Variants in COA1 observed in about 807,000 individuals in gnomAD.
COA1 encodes the protein cytochrome c oxidase assembly factor 1 homolog.
A neutral mutation model predicts 16.0 loss-of-function variants in COA1; 13 were observed. The observed-to-expected ratio is 0.81, with a 90% CI of 0.53 to 1.29. The LOEUF (loss-of-function observed/expected upper bound fraction) is 1.29. Ranked by LOEUF, COA1 falls within the 50% of genes most tolerant of loss-of-function variation. The pLI is 0.00. For synonymous variants in COA1, 65 were observed against 65.7 expected (o/e 0.99, Z 0.05); for missense variants, 179 against 177.0 (o/e 1.01, Z -0.06).
At chr7:43,727,439 C>T (rs1336357792) in intron 1 of COA1, among the ~76,000 whole-genome samples, 4 of 152,178 alleles carry the variant, frequency 2.6e-5, no homozygotes, top group Non-Finnish European at 5.9e-5. Context: ...AGCAGCATTA[C>T]ACATAATGGC....
intron 1 of COA1, among the ~76,000 whole-genome samples, chr7:43,722,895 C>T (rs1438556696): frequency 6.6e-6 from 1 of 152,060 alleles, no homozygotes; most frequent in Non-Finnish European, 1.5e-5. Context: ...TTGCAAATGC[C>T]AAATGTCTTA....
intron 1 of COA1, among the ~76,000 whole-genome samples, chr7:43,720,706 C>A (rs1363426754): frequency 6.6e-6 from 1 of 152,058 alleles, no homozygotes; most frequent in African/African-American, 2.4e-5. Context: ...TTAAAGTGAC[C>A]CTGGATATTA....
chr7:43,717,708 A>G (rs1052147714), intron 1 of COA1, among the ~76,000 whole-genome samples: 6 of 152,036 alleles, frequency 3.9e-5, no homozygotes, highest in African/African-American at 1.5e-4. Flanking sequence ...GGGGAACAAT[A>G]TGGTTTGGCT....
At chr7:43,658,971 A>G (rs1182058440) in intron 1 of COA1, 2 of 152,360 alleles carry the variant, frequency 1.3e-5, no homozygotes, top group Non-Finnish European at 2.9e-5. Flanking sequence ...GGGAGTCTGG[A>G]TTTTACTCAA....
At chr7:43,618,882 A>G (rs1045574890) in intron 6 of COA1, among the ~76,000 whole-genome samples, 3 of 152,272 alleles carry the variant, frequency 2.0e-5, no homozygotes, top group East Asian at 3.9e-4. Flanking sequence ...GAAGCTTTGG[A>G]AGTAGATGAA....
intron 1 of COA1, chr7:43,665,587 G>C (rs554818402): frequency 6.6e-6 from 1 of 152,104 alleles, no homozygotes; most frequent in Non-Finnish European, 1.5e-5. Context: ...GTATTAATTC[G>C]TTCTCACACT....
chr7:43,644,096 G>A (rs1250368207), intron 4 of COA1, among the ~76,000 whole-genome samples: 1 of 152,016 alleles, frequency 6.6e-6, no homozygotes, highest in Non-Finnish European at 1.5e-5. Flanking sequence ...ACTGACAGGC[G>A]ACACAGTGAT....
chr7:43,712,938 T>C (rs959815973), intron 1 of COA1, among the ~76,000 whole-genome samples: 19 of 152,076 alleles, frequency 1.2e-4, no homozygotes, highest in African/African-American at 3.9e-4. Flanking sequence ...AATACATATA[T>C]ATGGTTTTTT....
downstream of COA1, among the ~76,000 whole-genome samples, chr7:43,634,872 T>C (rs185463202): frequency 9.8e-5 from 15 of 152,336 alleles, no homozygotes; most frequent in Non-Finnish European, 2.9e-5. Context: ...CAGTGCCTCA[T>C]ATTTGCCCAA....
chr7:43,694,205 CCT>C (rs1242210408), intron 1 of COA1, among the ~76,000 whole-genome samples: 1 of 149,068 alleles, frequency 6.7e-6, no homozygotes, highest in East Asian at 1.9e-4. Context: ...TCAATTTCCC[CCT>C]CTCTATATTA....
At chr7:43,633,399 A>G (rs758861978) in intron 6 of COA1, 5 of 152,208 alleles carry the variant, frequency 3.3e-5, no homozygotes, top group Non-Finnish European at 7.3e-5. Context: ...GTCTCAGGGA[A>G]TAGGGAGGCC....
In COA1 at chr7:43,648,567, A is replaced by T. The variant is rs746412688; in HGVS notation, c.15+33T>A. 1.9e-6 allele frequency: 3 copies of T among 1,612,036 alleles called. No individual in the cohort carries two copies. In the Admixed American group the frequency reaches 5.0e-5, roughly 27 times the overall value. Reference sequence around the variant, plus strand: ...ACTCGAGAATACCCTGGCAGGTTCTAGTGGGGAACTTGGCCCTGGAACATT... The same window carrying T: ...ACTCGAGAATACCCTGGCAGGTTCTTGTGGGGAACTTGGCCCTGGAACATT... On this transcript the variant is annotated intron_variant, in intron 2 of 5. Coordinates refer to ENST00000223336, the MANE Select transcript of COA1 (RefSeq NM_018224.4).
Position 43,639,693 on chromosome 7 carries a change from CA to C in COA1, c.342-13del. The C allele has an allele frequency of 1.3e-6, 2 of 1,599,686 alleles. No individual in the cohort carries two copies. The highest frequency in any genetic ancestry group is 1.7e-6 in the Non-Finnish European group (2 of 1,167,214). On this transcript the variant is annotated splice_polypyrimidine_tract_variant and intron_variant, in intron 5 of 5. Transcript: ENST00000223336. ...CGTCAAGGTGCCACCTGAGAGAAAC[CA>C]AAAGTATAGTATCTCTAATCTATGA...
chr7:43,624,422 A>G (rs2084261800), intron 6 of COA1: 1 of 1,256,672 alleles, frequency 8.0e-7, no homozygotes, highest in Non-Finnish European at 1.0e-6. Context: ...AACTTGTCAG[A>G]CTTCCCAAAA....
In COA1 at chr7:43,728,687, A is replaced by G. The variant is rs146269026; in HGVS notation, c.-39+742T>C. Among the ~76,000 whole-genome samples the G allele has an allele frequency of 2.3e-4, 35 of 152,342 alleles. No homozygotes were observed. The East Asian group carries it at 6.2e-3, about 27-fold the overall frequency. On this transcript the variant is annotated intron_variant, in intron 1 of 5. Transcript: ENST00000223336. ...AGATTCTGAGGACAGAAATAACACA[A>G]TCTGATATGCGTTTTAAACGTGCAG...
intron 4 of COA1, chr7:43,641,330 A>C (rs1368748592): frequency 6.6e-6 from 1 of 151,644 alleles, no homozygotes; most frequent in Non-Finnish European, 1.5e-5. Flanking sequence ...AAAAAAAAAA[A>C]AAACCAGGAA....
At chr7:43,634,522 A>G (rs997629051), downstream of COA1, among the ~76,000 whole-genome samples, 6 of 152,238 alleles carry the variant, frequency 3.9e-5, no homozygotes, top group African/African-American at 1.2e-4. Context: ...TAAGCTCCCA[A>G]CATGGCCTCC....
At chr7:43,682,649 G>C (rs951391542) in intron 1 of COA1, among the ~76,000 whole-genome samples, 3 of 152,066 alleles carry the variant, frequency 2.0e-5, no homozygotes, top group Non-Finnish European at 4.4e-5. Flanking sequence ...GTTTGAACAT[G>C]ACATTTTAGG....
At chr7:43,686,297 CTTTG>C (rs1389413509) in intron 1 of COA1, among the ~76,000 whole-genome samples, 7 of 130,454 alleles carry the variant, frequency 5.4e-5, no homozygotes, top group African/African-American at 1.2e-4. Flanking sequence ...TGTGTTCTGG[CTTTG>C]TTTCTTTTTT....
Sources: allele counts gnomAD v4.1 joint callset (sites outside exome capture counted in the v4.1 genomes callset), GRCh38; gene constraint gnomAD v4.1.1; transcripts MANE v1.5; gene names NCBI Gene and HGNC (gene_info 2026-07-23, HGNC 2026-07-21).